RXFP1: variants seen among roughly 807,000 people sequenced by gnomAD.
The protein encoded by RXFP1 is relaxin receptor 1.
Under a neutral mutation model 89.8 loss-of-function variants are expected in RXFP1, and 73 were observed. The observed-to-expected ratio is 0.81, with a 90% confidence interval of 0.67 to 0.99. RXFP1 has a LOEUF of 0.99. Among genes scored for constraint, RXFP1 ranks in the 50% least tolerant of loss-of-function variants. The pLI is 0.00. For missense variants in RXFP1, 793 were observed against 895.5 expected (o/e 0.89, Z 1.46); for synonymous variants, 277 against 305.5 (o/e 0.91, Z 0.97).
intron 3 of RXFP1, 52 bp from the exon 4 acceptor site, chr4:158,599,274 C>T: frequency 1.2e-6 from 2 of 1,611,986 alleles, no homozygotes; most frequent in Non-Finnish European, 1.7e-6. Context: ...CATTACCCTC[C>T]TCTTCCTGGT....
chr4:158,607,122 G>T lies in RXFP1; in HGVS notation c.465-850G>T, dbSNP rs777071994. 8.5e-6 allele frequency: 13 copies of T among 1,535,432 alleles called. No homozygotes were observed. The South Asian group carries it at 1.2e-4, about 14-fold the overall frequency. Reference sequence around the variant, plus strand: ...TTGAAATCCTTACTTTATCATTCCCGCAATCTGGGGCAAGTACACATAGAA... The same window carrying T: ...TTGAAATCCTTACTTTATCATTCCCTCAATCTGGGGCAAGTACACATAGAA... On this transcript the variant is annotated intron_variant, in intron 5 of 17. Transcript: ENST00000307765.
intron 17 of RXFP1, among the ~76,000 whole-genome samples, chr4:158,650,530 A>G (rs1772491707): frequency 6.6e-6 from 1 of 151,666 alleles, no homozygotes; most frequent in African/African-American, 2.4e-5. Context: ...GCACTTTGGG[A>G]GGCTGAGGTG....
intron 9 of RXFP1, among the ~76,000 whole-genome samples, chr4:158,621,682 A>T (rs562477781): frequency 1.2e-4 from 19 of 152,354 alleles, no homozygotes; most frequent in African/African-American, 4.3e-4. Context: ...ACTAAGGCCA[A>T]CTATATTAAT....
At chr4:158,624,903 T>C (rs1420539612) in intron 9 of RXFP1, among the ~76,000 whole-genome samples, 1 of 152,172 alleles carries the variant, frequency 6.6e-6, no homozygotes, top group Non-Finnish European at 1.5e-5. Context: ...AAAATTAAAC[T>C]ACCAATTTAA....
intron 14 of RXFP1, 131 bp downstream of exon 14, chr4:158,639,462 A>G: frequency 1.6e-6 from 1 of 622,178 alleles, no homozygotes; most frequent in Non-Finnish European, 2.9e-6. Context: ...GTGTTCCTCC[A>G]AAATGTATAT....
intron 1 of RXFP1, among the ~76,000 whole-genome samples, chr4:158,550,443 C>T (rs184294897): frequency 1.2e-3 from 184 of 152,326 alleles, no homozygotes; most frequent in African/African-American, 3.9e-3. Context: ...ACACCTGGTG[C>T]GCTGCACCCA....
chr4:158,602,428 T>C, intron 4 of RXFP1, among the ~76,000 whole-genome samples: 1 of 152,142 alleles, frequency 6.6e-6, no homozygotes, highest in East Asian at 1.9e-4. Flanking sequence ...CATTCTTGCT[T>C]GTGCTATAGT....
intron 1 of RXFP1, among the ~76,000 whole-genome samples, chr4:158,559,586 A>G (rs1752018892): frequency 6.6e-6 from 1 of 152,098 alleles, no homozygotes; most frequent in Non-Finnish European, 1.5e-5. Context: ...TCATATACCT[A>G]TTACTTATCC....
chr4:158,628,213 C>T (rs1282127111), intron 10 of RXFP1, among the ~76,000 whole-genome samples: 1 of 152,138 alleles, frequency 6.6e-6, no homozygotes, highest in Admixed American at 6.5e-5. Context: ...GAGTGGACTT[C>T]CTTAGGCAGA....
intron 1 of RXFP1, among the ~76,000 whole-genome samples, chr4:158,568,724 A>G (rs988645230): frequency 6.6e-6 from 1 of 152,226 alleles, no homozygotes; most frequent in African/African-American, 2.4e-5. Flanking sequence ...TATGTCCTTC[A>G]TCAAACTATG....
chr4:158,638,322 T>C (rs2150229823), intron 13 of RXFP1, among the ~76,000 whole-genome samples: 1 of 152,290 alleles, frequency 6.6e-6, no homozygotes, highest in East Asian at 1.9e-4. Flanking sequence ...ATTAGGAGCT[T>C]ATGTTGATTT....
At chr4:158,573,041 G>C (rs149758331) in intron 2 of RXFP1, 18 of 665,950 alleles carry the variant, frequency 2.7e-5, no homozygotes, top group East Asian at 4.1e-5. Flanking sequence ...ACGGAGTCTC[G>C]CTCTGTTGCC....
chr4:158,593,359 C>A, intron 2 of RXFP1, 42 bp from the exon 3 acceptor site: 1 of 1,259,944 alleles, frequency 7.9e-7, no homozygotes, highest in Non-Finnish European at 1.2e-6. Flanking sequence ...ACCAGAATAT[C>A]TCTGTTCCTT....
At chr4:158,541,350 GCACACACACA>G (rs58856633) in intron 1 of RXFP1, among the ~76,000 whole-genome samples, 1 of 139,794 alleles carries the variant, frequency 7.2e-6, no homozygotes, top group African/African-American at 2.7e-5. Flanking sequence ...AGAGCTTCAT[GCACACACACA>G]CACACACACA....
chr4:158,545,959 T>G (rs1284377806), intron 1 of RXFP1, among the ~76,000 whole-genome samples: 1 of 151,326 alleles, frequency 6.6e-6, no homozygotes, highest in East Asian at 1.9e-4. Flanking sequence ...ATATGAACTT[T>G]AAAGTAGTTT....
intron 2 of RXFP1, among the ~76,000 whole-genome samples, chr4:158,578,600 C>T (rs575631108): frequency 7.9e-5 from 12 of 152,260 alleles, no homozygotes; most frequent in African/African-American, 1.4e-4. Context: ...AAACTCTTTA[C>T]GTTTCTAGAT....
At chr4:158,539,895 G>T (rs1475473739) in intron 1 of RXFP1, among the ~76,000 whole-genome samples, 3 of 152,158 alleles carry the variant, frequency 2.0e-5, no homozygotes, top group Non-Finnish European at 4.4e-5. Context: ...AAACACACAG[G>T]TGGAGTGGAA....
chr4:158,641,589 G>T (rs1770388105), intron 14 of RXFP1, among the ~76,000 whole-genome samples: 1 of 152,160 alleles, frequency 6.6e-6, no homozygotes, highest in Admixed American at 6.5e-5. Context: ...ATGGTTTACA[G>T]AATAAATGGA....
At chr4:158,646,591 G>A in intron 15 of RXFP1, 200 bp from the exon 16 acceptor site, 1 of 1,399,192 alleles carries the variant, frequency 7.1e-7, no homozygotes, top group South Asian at 1.7e-5. Context: ...ACTGTAGAGA[G>A]TAACTTTGAG....
Sources: allele counts gnomAD v4.1 joint callset (sites outside exome capture counted in the v4.1 genomes callset), GRCh38; gene constraint gnomAD v4.1.1; transcripts MANE v1.5; gene names NCBI Gene and HGNC (gene_info 2026-07-23, HGNC 2026-07-21).